The following FANCD2OS variants were observed in gnomAD, a reference collection of about 807,000 sequenced individuals.
FANCD2OS encodes the protein FANCD2 opposite strand.
Under a neutral mutation model 13.2 loss-of-function variants are expected in FANCD2OS, and 11 were observed. The ratio of observed to expected loss-of-function variants is 0.83; its 90% confidence interval spans 0.52 to 1.38. The LOEUF (loss-of-function observed/expected upper bound fraction) is 1.38. Ranked by LOEUF, FANCD2OS falls within the 40% of genes most tolerant of loss-of-function variation. FANCD2OS has a pLI of 0.00. For synonymous variants in FANCD2OS, 69 were observed against 84.5 expected, an observed-to-expected ratio of 0.82 and a Z score of 1.01; for missense variants, 217 against 213.9, an observed-to-expected ratio of 1.01 and a Z score of -0.09.
downstream of FANCD2OS, chr3:10,101,252 ACT>A (rs1177847967): frequency 1.9e-6 from 3 of 1,610,032 alleles, no homozygotes; most frequent in Non-Finnish European, 2.5e-6. Context: ...AGTTATGATG[ACT>A]CTGATTAGAC....
intron 2 of FANCD2OS, chr3:10,095,336 G>A: frequency 7.5e-7 from 1 of 1,332,562 alleles, no homozygotes; most frequent in South Asian, 1.2e-5. Context: ...AGTTGCTATT[G>A]GGGGATCCAT....
At chr3:10,097,434 G>A (rs972483274) in intron 2 of FANCD2OS, among the ~76,000 whole-genome samples, 3 of 152,186 alleles carry the variant, frequency 2.0e-5, no homozygotes, top group African/African-American at 4.8e-5. Flanking sequence ...CCCTAGGTGT[G>A]CATTCTCTTT....
downstream of FANCD2OS, among the ~76,000 whole-genome samples, chr3:10,100,737 T>C (rs1359816963): frequency 1.3e-5 from 2 of 152,180 alleles, no homozygotes; most frequent in Admixed American, 6.5e-5. Flanking sequence ...CTATGTCATA[T>C]ACATGCAGTA....
chr3:10,099,057 T>A (rs1325200840), downstream of FANCD2OS: 1 of 1,584,478 alleles, frequency 6.3e-7, no homozygotes, highest in Non-Finnish European at 8.6e-7. Context: ...GAGTTGACAA[T>A]TTTCTGCATT....
intron 2 of FANCD2OS, among the ~76,000 whole-genome samples, chr3:10,092,915 C>T (rs1694739529): frequency 1.3e-5 from 2 of 151,924 alleles, no homozygotes; most frequent in African/African-American, 4.8e-5. Context: ...TGGCCTCGAA[C>T]TCCTGGGCTC....
At chr3:10,090,297 C>T (rs773540135) in intron 2 of FANCD2OS, 2 of 1,613,104 alleles carry the variant, frequency 1.2e-6, no homozygotes, top group East Asian at 2.2e-5. Flanking sequence ...TCTAGGCATA[C>T]TTTTGTTGTT....
intron 2 of FANCD2OS, chr3:10,096,209 C>G: frequency 1.0e-6 from 1 of 993,534 alleles, no homozygotes; most frequent in East Asian, 2.4e-5. Context: ...ATGGAACATA[C>G]CGTTGGCCCA....
At chr3:10,093,277 C>T (rs1320232844) in intron 2 of FANCD2OS, 2 of 1,612,612 alleles carry the variant, frequency 1.2e-6, no homozygotes, top group Non-Finnish European at 1.7e-6. Context: ...TGTCTTTCAC[C>T]TCTCCAGGTA....
At chr3:10,090,617 C>T (rs1319373970) in intron 2 of FANCD2OS, among the ~76,000 whole-genome samples, 1 of 151,930 alleles carries the variant, frequency 6.6e-6, no homozygotes, top group Non-Finnish European at 1.5e-5. Context: ...CGCCACCACA[C>T]CCGGCTAATT....
chr3:10,099,138 T>A (rs1695154889), downstream of FANCD2OS: 10 of 1,471,584 alleles, frequency 6.8e-6, no homozygotes, highest in Non-Finnish European at 8.9e-6. Context: ...AAGTATTTTC[T>A]GAGTGTTGAG....
At chr3:10,083,304 A>G (rs1340677914) in intron 2 of FANCD2OS, among the ~76,000 whole-genome samples, 3 of 152,210 alleles carry the variant, frequency 2.0e-5, no homozygotes, top group African/African-American at 7.2e-5. Context: ...TTATAAAAAC[A>G]ATTAAAATAA....
intron 2 of FANCD2OS, chr3:10,093,316 G>A (rs774102652): frequency 6.2e-7 from 1 of 1,612,526 alleles, no homozygotes; most frequent in Non-Finnish European, 8.5e-7. Context: ...CTGCATGTAT[G>A]TTTGAAGGTG....
intron 2 of FANCD2OS, among the ~76,000 whole-genome samples, chr3:10,096,885 T>G (rs568350566): frequency 1.3e-5 from 2 of 152,326 alleles, no homozygotes; most frequent in East Asian, 3.9e-4. Flanking sequence ...AATTAATCTC[T>G]TATTGGGGGA....
At chr3:10,100,929 C>T (rs950214914), downstream of FANCD2OS, among the ~76,000 whole-genome samples, 2 of 151,992 alleles carry the variant, frequency 1.3e-5, no homozygotes, top group Non-Finnish European at 2.9e-5. Context: ...ATTAGCCGGG[C>T]GTGGTGGCAC....
intron 2 of FANCD2OS, chr3:10,090,258 TG>T: frequency 1.3e-6 from 2 of 1,496,622 alleles, no homozygotes; most frequent in South Asian, 1.1e-5. Flanking sequence ...CAGTGCATCA[TG>T]GTGTGGGCAC....
rs967572308 is a variant in FANCD2OS at position 10,108,176 on chromosome 3, G to T, written c.-170C>A. Reference sequence around the variant, plus strand: ...CCTATCCGGGGGCGGGGACCAGAAGGTTCTGGCTGAGGCGGACGATGCGGT... The same window carrying T: ...CCTATCCGGGGGCGGGGACCAGAAGTTTCTGGCTGAGGCGGACGATGCGGT... On this transcript the variant is annotated 5_prime_UTR_variant, in exon 1 of 2. Coordinates refer to ENST00000450660, the MANE Select transcript of FANCD2OS (RefSeq NM_001164839.2). 5 of 152,354 alleles carry T rather than the reference G, an allele frequency of 3.3e-5. No individual in the cohort carries two copies. The highest frequency in any genetic ancestry group is 1.2e-4 in the African/African-American group (5 of 41,466). The allele number at this position is 152,354 out of a possible 1,614,324, so 9.4% of individuals were successfully genotyped here. A position where few individuals can be genotyped will look rare whatever the true frequency, so the allele number is the denominator to read the frequency against.
Position 10,104,054 on chromosome 3 carries a change from G to A in FANCD2OS, c.*187C>T. The A allele has an allele frequency of 5.1e-6, 3 of 592,236 alleles. No homozygotes were observed. The highest frequency in any genetic ancestry group is 8.8e-6 in the Non-Finnish European group (3 of 340,306). The allele number at this position is 592,236 out of a possible 1,614,324, so 36.7% of individuals were successfully genotyped here. A position where few individuals can be genotyped will look rare whatever the true frequency, so the allele number is the denominator to read the frequency against. On this transcript the variant is annotated 3_prime_UTR_variant, in exon 2 of 2. Transcript: ENST00000450660. ...CCTTACAATGGGAATGTTCTTCCTTGTTCTCTATCATTGGTCCTTTTTTGG... is the reference window on the plus strand; with the variant it reads ...CCTTACAATGGGAATGTTCTTCCTTATTCTCTATCATTGGTCCTTTTTTGG...
chr3:10,085,404 T>G (rs1048961942), intron 2 of FANCD2OS, among the ~76,000 whole-genome samples: 3 of 150,008 alleles, frequency 2.0e-5, no homozygotes, highest in Non-Finnish European at 3.0e-5. Context: ...CTTTTTTTTT[T>G]TTTTTTGAGA....
At chr3:10,092,168 T>C in intron 2 of FANCD2OS, 1 of 1,607,686 alleles carries the variant, frequency 6.2e-7, no homozygotes, top group Non-Finnish European at 8.5e-7. Context: ...GCCCATATAT[T>C]TGGCTGCCCC....
Sources: allele counts gnomAD v4.1 joint callset (sites outside exome capture counted in the v4.1 genomes callset), GRCh38; gene constraint gnomAD v4.1.1; transcripts MANE v1.5; gene names NCBI Gene and HGNC (gene_info 2026-07-23, HGNC 2026-07-21).